ANKRD12: variants seen among roughly 807,000 people sequenced by gnomAD.
ANKRD12 encodes ankyrin repeat domain 12.
A neutral mutation model predicts 183.4 loss-of-function variants in ANKRD12; 85 were observed. That is an observed-to-expected ratio of 0.46 (90% CI 0.39 to 0.56). The LOEUF (loss-of-function observed/expected upper bound fraction) is 0.56, where lower values mean the gene tolerates loss of function less well. ANKRD12 is among the 20% of genes least tolerant of loss of function. The pLI is 0.00. For synonymous variants in ANKRD12, 914 were observed against 800.2 expected, an observed-to-expected ratio of 1.14 and a Z score of -2.40; for missense variants, 2,405 against 2,357.1, an observed-to-expected ratio of 1.02 and a Z score of -0.42.
rs2040174683 is a variant in ANKRD12, at chr18:9,284,062, A to G, written c.*2936A>G. On this transcript the variant is annotated 3_prime_UTR_variant, in exon 13 of 13. Coordinates refer to ENST00000262126, the MANE Select transcript of ANKRD12 (RefSeq NM_015208.5). The stretch of plus-strand genomic sequence containing the variant: ...TTGTTTATACTATATTAAGTGTGCA[A>G]TAGCATTATGTCTAAAAATATGTAC... The G allele has an allele frequency of 1.3e-5, 2 of 152,226 alleles. No homozygotes were observed. Among genetic ancestry groups the G allele is most frequent in the Admixed American group, 6.5e-5 (1 of 15,288 alleles). The allele number at this position is 152,226 out of a possible 1,614,324, so 9.4% of individuals were successfully genotyped here. A position where few individuals can be genotyped will look rare whatever the true frequency, so the allele number is the denominator to read the frequency against.
intron 1 of ANKRD12, among the ~76,000 whole-genome samples, chr18:9,174,450 T>C (rs2033061422): frequency 6.6e-6 from 1 of 152,218 alleles, no homozygotes; most frequent in Non-Finnish European, 1.5e-5. Context: ...CTGCCAAGAC[T>C]CCGCACAGCT....
At chr18:9,199,518 A>G (rs1355521367) in intron 3 of ANKRD12, among the ~76,000 whole-genome samples, 13 of 152,196 alleles carry the variant, frequency 8.5e-5, no homozygotes. Context: ...ACCTTGACGT[A>G]AGGAAATAAC....
intron 8 of ANKRD12, among the ~76,000 whole-genome samples, chr18:9,231,917 A>G (rs926954956): frequency 2.4e-5 from 3 of 122,462 alleles, no homozygotes; most frequent in Non-Finnish European, 5.4e-5. Flanking sequence ...AATATCTTTT[A>G]TTTTCAATCT....
Position 9,254,909 on chromosome 18 carries a change from T to C in ANKRD12, c.1642T>C (p.Cys548Arg). ...CACTGGTAAATCTCCCAAACATTCT[T>C]GTGGATTAAGTGAAAAACAGTCAAC... is the stretch of plus-strand genomic sequence containing the variant. ...ISTGKSPKHS[C>R]GLSEKQSTPL... is the part of the protein sequence containing the mutation. Residue 548 changes from cysteine to arginine, a missense_variant, in exon 9 of 13, where the codon TGT (cysteine) becomes CGT (arginine). This residue lies in a region of ANKRD12 where 1,983 missense variants were observed against 1,725.9 expected (regional missense o/e 1.15). Transcript: ENST00000262126. The C allele has an allele frequency of 6.4e-7, 1 of 1,566,914 alleles. No individual in the cohort carries two copies.
At chr18:9,160,800 C>T (rs903535281) in intron 1 of ANKRD12, among the ~76,000 whole-genome samples, 2 of 152,168 alleles carry the variant, frequency 1.3e-5, no homozygotes, top group Non-Finnish European at 1.5e-5. Context: ...AATCAAGGAG[C>T]ACCTAATCAA....
At chr18:9,166,427 A>G (rs2032073414) in intron 1 of ANKRD12, among the ~76,000 whole-genome samples, 1 of 152,092 alleles carries the variant, frequency 6.6e-6, no homozygotes, top group African/African-American at 2.4e-5. Flanking sequence ...CTGGTGTGAG[A>G]TGGTATCTCA....
intron 8 of ANKRD12, chr18:9,239,391 G>T (rs1414529638): frequency 2.2e-6 from 1 of 452,068 alleles, no homozygotes; most frequent in Non-Finnish European, 3.6e-6. Context: ...TGTTTAATTA[G>T]TGCAGAACAC....
In ANKRD12 at chr18:9,258,603, C is replaced by T; in HGVS notation, c.5336C>T (p.Pro1779Leu). 6.2e-7 allele frequency: 1 copy of T among 1,613,834 alleles called. No homozygotes were observed. Among genetic ancestry groups the T allele is most frequent in the Non-Finnish European group, 8.5e-7 (1 of 1,179,906 alleles). The change falls in exon 9 of 13, where the codon CCT (proline) becomes CTT (leucine). Residue 1779 changes from proline to leucine, a missense_variant. Coordinates refer to ENST00000262126, the MANE Select transcript of ANKRD12 (RefSeq NM_015208.5). ...GRIRLTEDDDPQIHHPRKRKV... is the reference protein window; with the variant it reads ...GRIRLTEDDDLQIHHPRKRKV... ...ATAAGATTAACTGAAGATGACGATCCTCAAATTCACCATCCACGGAAAAGG... is the reference window on the plus strand; with the variant it reads ...ATAAGATTAACTGAAGATGACGATCTTCAAATTCACCATCCACGGAAAAGG...
At chr18:9,180,532 T>C (rs1320303903) in intron 1 of ANKRD12, among the ~76,000 whole-genome samples, 3 of 152,154 alleles carry the variant, frequency 2.0e-5, no homozygotes, top group Admixed American at 6.5e-5. Flanking sequence ...TGCCTTTCAT[T>C]GGATTATTTG....
At chr18:9,173,355 C>T (rs1014596098) in intron 1 of ANKRD12, among the ~76,000 whole-genome samples, 8 of 152,180 alleles carry the variant, frequency 5.3e-5, no homozygotes, top group South Asian at 4.1e-4. Flanking sequence ...AGGCATGAGC[C>T]ACCACGCCTG....
At chr18:9,167,414 C>T (rs2032193998) in intron 1 of ANKRD12, among the ~76,000 whole-genome samples, 1 of 152,110 alleles carries the variant, frequency 6.6e-6, no homozygotes, top group Non-Finnish European at 1.5e-5. Flanking sequence ...TTGTAGTTCT[C>T]CTTGAAGAAG....
At chr18:9,201,194 C>G (rs2035144615) in intron 3 of ANKRD12, among the ~76,000 whole-genome samples, 2 of 152,058 alleles carry the variant, frequency 1.3e-5, no homozygotes, top group Non-Finnish European at 2.9e-5. Flanking sequence ...AATATCTGCC[C>G]CCATATATAA....
rs1387408384 is a variant in ANKRD12 at position 9,283,275 on chromosome 18, AAAAGCG to A, written c.*2151_*2156del. ...CAAACAGAACAGGCTTTTAGAAGATAAAAGCGACAAGAAGGAATCTGGTGAATTTTA... is the reference window on the plus strand; with the variant it reads ...CAAACAGAACAGGCTTTTAGAAGATAACAAGAAGGAATCTGGTGAATTTTA... On this transcript the variant is annotated 3_prime_UTR_variant, in exon 13 of 13. Coordinates refer to ENST00000262126, the MANE Select transcript of ANKRD12 (RefSeq NM_015208.5). The A allele has an allele frequency of 1.3e-5, 2 of 152,204 alleles. No individual in the cohort carries two copies. Among genetic ancestry groups the A allele is most frequent in the Non-Finnish European group, 2.9e-5 (2 of 68,016 alleles). 9.4% of individuals were successfully genotyped at this position (152,204 alleles called of 1,614,324 possible).
intron 1 of ANKRD12, among the ~76,000 whole-genome samples, chr18:9,177,466 A>G (rs1277067496): frequency 6.6e-6 from 1 of 151,974 alleles, no homozygotes; most frequent in Non-Finnish European, 1.5e-5. Context: ...ATATTTGTAC[A>G]TATTTAGGGG....
chr18:9,151,277 G>A (rs72935258), intron 1 of ANKRD12, among the ~76,000 whole-genome samples: 9,599 of 152,164 alleles, frequency 0.063, 330 homozygotes, highest in Non-Finnish European at 0.079. Context: ...GTTTAAGTAG[G>A]AATTACTTAG....
At position 9,267,501 on chromosome 18, in the gene ANKRD12, C is replaced by T. The variant is rs140612060; in HGVS notation, c.5763+3613C>T. Among the ~76,000 whole-genome samples the T allele has an allele frequency of 7.8e-3, 1,181 of 152,254 alleles. 12 individuals are homozygous for T. Among genetic ancestry groups the T allele is most frequent in the African/African-American group, 0.027 (1,106 of 41,552 alleles). ...ACCACTCAGCTACATGGAAACTGAA[C>T]AACCTGCTCCTGACTGACTACTGGG... On this transcript the variant is annotated intron_variant, in intron 10 of 12. Transcript: ENST00000262126.
intron 1 of ANKRD12, among the ~76,000 whole-genome samples, chr18:9,176,785 A>G (rs2033304765): frequency 2.6e-5 from 4 of 152,200 alleles, no homozygotes; most frequent in Admixed American, 2.6e-4. Context: ...GGTGTTAAAC[A>G]ATATATTTTT....
chr18:9,278,580 C>T (rs1056134128), intron 11 of ANKRD12, among the ~76,000 whole-genome samples: 2 of 152,108 alleles, frequency 1.3e-5, no homozygotes, highest in Admixed American at 6.6e-5. Context: ...GGGCAGATCA[C>T]GAGGTCAGGA....
rs1290840738 is a variant in ANKRD12 at position 9,256,485 on chromosome 18, A to T, written c.3218A>T (p.Asp1073Val). 6.2e-7 allele frequency: 1 copy of T among 1,613,366 alleles called. No individual in the cohort carries two copies. Among genetic ancestry groups the T allele is most frequent in the Admixed American group, 1.7e-5 (1 of 59,934 alleles). The change falls in exon 9 of 13, where the codon GAT becomes GTT. Residue 1073 changes from aspartate to valine, a missense_variant. By Grantham distance (152) the Asp-to-Val change is radical (BLOSUM62 -3). Transcript: ENST00000262126. ...CCTAAAGAAAAGAGGTTAGTGAATG[A>T]TGATTTAATGCAGACAAGTTTTGAA... ...TRPKEKRLVN[D>V]DLMQTSFERM...
Sources: gnomAD v4.1 joint callset for allele counts (sites outside exome capture counted in the v4.1 genomes callset) on GRCh38, gnomAD v4.1.1 for gene constraint, gnomAD v4.1.1 regional missense constraint, MANE v1.5 for transcripts, NCBI Gene and HGNC (gene_info 2026-07-23, HGNC 2026-07-21) for gene names.